Variants in LRPPRC observed in about 807,000 individuals in gnomAD.
LRPPRC encodes the protein leucine-rich PPR motif-containing protein, mitochondrial.
LRPPRC carries 120 observed loss-of-function variants against 180.3 expected under a neutral mutation model. That is an observed-to-expected ratio of 0.67 (90% CI 0.57 to 0.77). LRPPRC has a LOEUF of 0.77. Among genes scored for constraint, LRPPRC ranks in the 30% least tolerant of loss-of-function variants. The pLI, the probability that LRPPRC is intolerant of heterozygous loss-of-function variation, is 0.00. For synonymous variants in LRPPRC, 723 were observed against 600.0 expected (o/e 1.21, Z -3.00); for missense variants, 2,012 against 1,657.2 (o/e 1.21, Z -3.72).
In LRPPRC at chr2:43,975,231, C is replaced by G. The variant is rs771323348; in HGVS notation, c.738-14G>C. ...TTCTCCATATCACTACAAGTTAATT[C>G]AAAAAACAGATTATTATGCTTTTGC... On this transcript the variant is annotated splice_polypyrimidine_tract_variant and intron_variant, in intron 6 of 37. Transcript: ENST00000260665. 3.1e-6 allele frequency: 5 copies of G among 1,609,378 alleles called. No individual in the cohort carries two copies. Among genetic ancestry groups the G allele is most frequent in the Non-Finnish European group, 4.2e-6 (5 of 1,178,322 alleles).
At chr2:43,909,611 T>TTAATAATAATAATAA (rs10542740) in intron 30 of LRPPRC, among the ~76,000 whole-genome samples, 2 of 143,714 alleles carry the variant, frequency 1.4e-5, no homozygotes, top group African/African-American at 5.1e-5. Context: ...AAAAACCCAA[T>TTAATAATAATAATAA]TAATAATAAT....
rs1674229084 is a variant in LRPPRC, at chr2:43,979,929, A to G, written c.366T>C (p.His122=). ...CACAACTACGTAGTAGAAGCAAGGC[A>G]TGACTACCACCTAGGCCACCTGTGG... ...TCRSGGLGGS[H]ALLLLRSCGS... Residue 122 remains histidine, a synonymous_variant, in exon 3 of 38, where the codon CAT becomes CAC. Transcript: ENST00000260665. 29 of 1,613,940 alleles carry G rather than the reference A, an allele frequency of 1.8e-5. No homozygotes were observed. The highest frequency in any genetic ancestry group is 2.5e-5 in the Non-Finnish European group (29 of 1,179,852).
intron 1 of LRPPRC, among the ~76,000 whole-genome samples, chr2:43,989,365 T>C (rs1674673044): frequency 6.6e-6 from 1 of 152,186 alleles, no homozygotes; most frequent in Admixed American, 6.5e-5. Context: ...TTTCCACCTA[T>C]CGAGATTTCC....
chr2:43,978,141 A>G (rs866137967), intron 3 of LRPPRC, among the ~76,000 whole-genome samples: 3 of 152,156 alleles, frequency 2.0e-5, no homozygotes, highest in Middle Eastern at 3.2e-3. Context: ...ACTTTGAGAC[A>G]CTATTATCAG....
intron 15 of LRPPRC, 65 bp downstream of exon 15, chr2:43,950,508 T>C (rs952611166): frequency 6.7e-6 from 9 of 1,344,816 alleles, no homozygotes; most frequent in Non-Finnish European, 9.6e-6. Flanking sequence ...AATTATTACA[T>C]AACCTATGGT....
At chr2:43,991,030 T>C (rs1674753838) in intron 1 of LRPPRC, among the ~76,000 whole-genome samples, 1 of 138,156 alleles carries the variant, frequency 7.2e-6, no homozygotes. Flanking sequence ...ATAGATACTT[T>C]TATTTTTTTT....
intron 21 of LRPPRC, among the ~76,000 whole-genome samples, chr2:43,945,772 G>A (rs969433851): frequency 1.3e-5 from 2 of 151,992 alleles, no homozygotes; most frequent in African/African-American, 4.8e-5. Flanking sequence ...CTGAGAAATG[G>A]ATAGAATTTT....
chr2:43,918,095 CG>C lies in LRPPRC; in HGVS notation c.3077del (p.Ser1026CysfsTer15). 1 of 1,612,974 alleles carries C rather than the reference CG, an allele frequency of 6.2e-7. No homozygotes were observed. Among genetic ancestry groups the C allele is most frequent in the Non-Finnish European group, 8.5e-7 (1 of 1,179,636 alleles). ...YEDEKHSLNS[S>X]SASTTEPDFQ... ...AATCAGGTTCTGTGGTTGAGGCTGA[CG>C]AAGAATTCAGGGAATGTTTTTCATC... is the stretch of plus-strand genomic sequence containing the variant. On this transcript the variant is annotated frameshift_variant, in exon 29 of 38. Transcript: ENST00000260665. LOFTEE classifies it high-confidence loss of function.
chr2:43,916,879 G>A (rs1369868815), intron 29 of LRPPRC, among the ~76,000 whole-genome samples: 1 of 150,454 alleles, frequency 6.6e-6, no homozygotes, highest in Non-Finnish European at 1.5e-5. Flanking sequence ...CACGAGGCGG[G>A]GGCTGCAATG....
At chr2:43,986,273 G>A (rs1202153481) in intron 1 of LRPPRC, among the ~76,000 whole-genome samples, 2 of 152,088 alleles carry the variant, frequency 1.3e-5, no homozygotes, top group African/African-American at 2.4e-5. Context: ...GGGATTACAG[G>A]CACACACCAC....
chr2:43,972,167 C>G (rs1292587329), intron 11 of LRPPRC, among the ~76,000 whole-genome samples: 1 of 152,168 alleles, frequency 6.6e-6, no homozygotes, highest in Non-Finnish European at 1.5e-5. Flanking sequence ...CCAGCCTAAT[C>G]ACACCTAGAC....
chr2:43,958,890 T>C (rs887086140), intron 13 of LRPPRC: 1 of 257,634 alleles, frequency 3.9e-6, no homozygotes, highest in Non-Finnish European at 7.3e-6. Flanking sequence ...AAAGCTCAAA[T>C]ACTTGGCAAA....
At chr2:43,889,356 C>T (rs915048126) in intron 37 of LRPPRC, among the ~76,000 whole-genome samples, 3 of 128,048 alleles carry the variant, frequency 2.3e-5, no homozygotes, top group African/African-American at 5.9e-5. Context: ...ATTTCCTAGA[C>T]GAAGAAATAA....
At chr2:43,940,433 TAG>T (rs1558976714) in intron 23 of LRPPRC, among the ~76,000 whole-genome samples, 2 of 152,210 alleles carry the variant, frequency 1.3e-5, no homozygotes, top group Non-Finnish European at 2.9e-5. Context: ...AAGTTCATCT[TAG>T]AGAAATTGTG....
chr2:43,917,111 G>A (rs61160045), intron 29 of LRPPRC, among the ~76,000 whole-genome samples: 87,086 of 145,562 alleles, frequency 0.6, 27,230 homozygotes, highest in East Asian at 0.95. Flanking sequence ...TGCGATCTCG[G>A]CTCACTACAA....
chr2:43,984,389 C>G (rs1674438906), intron 1 of LRPPRC, among the ~76,000 whole-genome samples: 1 of 152,148 alleles, frequency 6.6e-6, no homozygotes, highest in Non-Finnish European at 1.5e-5. Context: ...AGAAGACCAA[C>G]TCAAATTTCA....
At chr2:43,906,128 T>G (rs1009584316) in intron 30 of LRPPRC, among the ~76,000 whole-genome samples, 2 of 152,200 alleles carry the variant, frequency 1.3e-5, no homozygotes, top group African/African-American at 2.4e-5. Flanking sequence ...GATACTTTTT[T>G]TTTTCTACAT....
intron 29 of LRPPRC, among the ~76,000 whole-genome samples, chr2:43,916,368 G>A (rs1402859399): frequency 6.6e-6 from 1 of 152,090 alleles, no homozygotes; most frequent in Non-Finnish European, 1.5e-5. Context: ...ATAACAGAGG[G>A]TTAAAGACGG....
chr2:43,947,926 A>T (rs146319065), intron 18 of LRPPRC, 151 bp from the exon 19 acceptor site: 35 of 657,384 alleles, frequency 5.3e-5, no homozygotes, highest in African/African-American at 4.0e-4. Flanking sequence ...TTATTAATCA[A>T]TGTAATTAAC....
Sources: gnomAD v4.1 joint callset for allele counts (sites outside exome capture counted in the v4.1 genomes callset) on GRCh38, gnomAD v4.1.1 for gene constraint, MANE v1.5 for transcripts, NCBI Gene and HGNC (gene_info 2026-07-23, HGNC 2026-07-21) for gene names.